The following BEGAIN variants were observed in gnomAD, a reference collection of about 807,000 sequenced individuals.
BEGAIN encodes brain enriched guanylate kinase associated, also known as brain-enriched guanylate kinase-associated protein.
BEGAIN carries 19 observed loss-of-function variants against 35.8 expected under a neutral mutation model. That is an observed-to-expected ratio of 0.53 (90% CI 0.37 to 0.78). The LOEUF (loss-of-function observed/expected upper bound fraction) is 0.78, where lower values mean the gene tolerates loss of function less well. Ranked by LOEUF, BEGAIN falls within the 30% of genes least tolerant of loss-of-function variation. The pLI is 0.00. For missense variants in BEGAIN, 795 were observed against 853.6 expected (o/e 0.93, Z 0.85); for synonymous variants, 462 against 388.6 (o/e 1.19, Z -2.22).
intron 2 of BEGAIN, among the ~76,000 whole-genome samples, chr14:100,561,716 G>GA (rs72116488): frequency 0.22 from 31,678 of 146,082 alleles, 4,037 homozygotes; most frequent in East Asian, 0.53. Context: ...CAAGACTGTC[G>GA]AAAAAAAAAA....
At chr14:100,570,316 C>T (rs564928934) in intron 1 of BEGAIN, among the ~76,000 whole-genome samples, 4 of 152,228 alleles carry the variant, frequency 2.6e-5, no homozygotes, top group Admixed American at 6.5e-5. Context: ...CTGAGCTGCC[C>T]TGGTGGAGCA....
chr14:100,549,367 C>G (rs2032940646), intron 2 of BEGAIN: 1 of 152,794 alleles, frequency 6.5e-6, no homozygotes, highest in Admixed American at 6.5e-5. Flanking sequence ...CCACACCCAA[C>G]CCGTCCAATG....
chr14:100,560,524 C>G (rs2034149672), intron 2 of BEGAIN, among the ~76,000 whole-genome samples: 1 of 152,112 alleles, frequency 6.6e-6, no homozygotes, highest in African/African-American at 2.4e-5. Context: ...GGTGTGTGGC[C>G]AGGGCAGCCT....
intron 1 of BEGAIN, among the ~76,000 whole-genome samples, chr14:100,583,193 C>T (rs1053390015): frequency 1.3e-5 from 2 of 151,898 alleles, no homozygotes; most frequent in African/African-American, 2.4e-5. Context: ...ACTTGTGTCT[C>T]GTATCCATGC....
chr14:100,554,411 C>T (rs1332544517), intron 2 of BEGAIN, among the ~76,000 whole-genome samples: 3 of 152,192 alleles, frequency 2.0e-5, no homozygotes, highest in Non-Finnish European at 4.4e-5. Context: ...GGCTCTCAGC[C>T]TGGCCCCACA....
chr14:100,570,988 G>A (rs1422680815), intron 1 of BEGAIN, among the ~76,000 whole-genome samples: 1 of 152,138 alleles, frequency 6.6e-6, no homozygotes, highest in Non-Finnish European at 1.5e-5. Context: ...TCTGTGGGGT[G>A]CCCCAGGGTT....
In BEGAIN at chr14:100,538,126, C is replaced by T; in HGVS notation, c.1682G>A (p.Arg561Lys). 1 of 1,551,620 alleles carries T rather than the reference C, an allele frequency of 6.4e-7. No homozygotes were observed. The highest frequency in any genetic ancestry group is 8.7e-7 in the Non-Finnish European group (1 of 1,151,730). The stretch of plus-strand genomic sequence containing the variant: ...CATGGAGCTCGGCTCCAAGGAGTCC[C>T]TGGAACCCTGCTCGGGCTCAGGGCT... Reference protein sequence around the residue: ...ASSPEPEQGSRDSLEPSSMEA... With the variant: ...ASSPEPEQGSKDSLEPSSMEA... The change falls in exon 7 of 7, where the codon AGG (arginine) becomes AAG (lysine). Residue 561 changes from arginine (R) to lysine (K), a missense_variant. Arg to Lys is a conservative substitution (Grantham distance 26). Coordinates refer to ENST00000554140, the MANE Select transcript of BEGAIN (RefSeq NM_001385089.1).
intron 1 of BEGAIN, among the ~76,000 whole-genome samples, chr14:100,579,120 C>T (rs2035265460): frequency 6.6e-6 from 1 of 152,210 alleles, no homozygotes. Flanking sequence ...CTTGGCCTCC[C>T]AAAGTGCTGG....
chr14:100,567,912 T>C lies in BEGAIN; in HGVS notation c.70A>G (p.Ser24Gly). Residue 24 changes from serine to glycine, a missense_variant and splice_region_variant, in exon 2 of 7, where the codon AGC becomes GGC. Around this residue, in one of 3 missense-constraint regions of BEGAIN, gnomAD observed 58 missense variants for 62.7 expected, o/e 0.92. Coordinates refer to ENST00000554140, the MANE Select transcript of BEGAIN (RefSeq NM_001385089.1). This position sits in a 1 kb window ranked among gnomAD's most constrained non-coding sequence, Gnocchi z 5.1. ...AASAADMEKL[S>G]ALQEQKGELR... is the part of the protein sequence containing the mutation. ...CGGCACGGGAGACGCTCCACTCACC[T>C]GAGTTTCTCCATGTCTGCGGCAGAG... 2 of 1,451,066 alleles carry C rather than the reference T, an allele frequency of 1.4e-6. No individual in the cohort carries two copies. The highest frequency in any genetic ancestry group is 9.2e-7 in the Non-Finnish European group (1 of 1,090,416). The allele number at this position is 1,451,066 out of a possible 1,614,324, so 89.9% of individuals were successfully genotyped here.
intron 1 of BEGAIN, among the ~76,000 whole-genome samples, chr14:100,585,881 G>A (rs1464486112): frequency 2.6e-5 from 4 of 152,262 alleles, no homozygotes; most frequent in African/African-American, 4.8e-5. Flanking sequence ...TGGCGGCAGC[G>A]CAGCCGCCCA....
intron 2 of BEGAIN, chr14:100,547,386 C>T (rs996384859): frequency 1.3e-5 from 2 of 152,230 alleles, no homozygotes; most frequent in Admixed American, 6.5e-5. Context: ...ATTTTCTTCC[C>T]CCAGAATGGG....
Position 100,540,511 on chromosome 14 carries a change from G to A in BEGAIN, c.477C>T (p.Val159=), listed in dbSNP as rs1291350252. Residue 159 remains valine (V), a synonymous_variant, in exon 6 of 7, where the codon GTC becomes GTT. Coordinates refer to ENST00000554140, the MANE Select transcript of BEGAIN (RefSeq NM_001385089.1). ...GCCACGTTACCTCAGACACCTTGTG[G>A]ACCCTGCCGTAGGTCTGGCTGCACT... ...LLQCSQTYGR[V]HKVSELPSDF... 1 of 1,602,072 alleles carries A rather than the reference G, an allele frequency of 6.2e-7. No individual in the cohort carries two copies. Among genetic ancestry groups the A allele is most frequent in the Non-Finnish European group, 8.5e-7 (1 of 1,174,786 alleles).
Position 100,573,994 on chromosome 14 carries a change from G to C in BEGAIN, c.43-6055C>G, listed in dbSNP as rs1293038721. ...GCATTAAGGGTGGAGGTGGTCCTTC[G>C]GGGGCTGTCTCAAGGAGGAGAGCGG... On this transcript the variant is annotated intron_variant, in intron 1 of 6. Transcript: ENST00000554140. This position sits in a 1 kb window ranked among gnomAD's most constrained non-coding sequence, Gnocchi z 4.2. Among the ~76,000 whole-genome samples the C allele has an allele frequency of 6.6e-6, 1 of 152,078 alleles. No homozygotes were observed. The highest frequency in any genetic ancestry group is 1.5e-5 in the Non-Finnish European group (1 of 68,004).
At chr14:100,585,633 G>C (rs1423128361) in intron 1 of BEGAIN, among the ~76,000 whole-genome samples, 1 of 151,782 alleles carries the variant, frequency 6.6e-6, no homozygotes, top group Non-Finnish European at 1.5e-5. Context: ...TCTTGGGAGA[G>C]TGGATGGAAG....
intron 1 of BEGAIN, among the ~76,000 whole-genome samples, chr14:100,575,646 G>T (rs2035185839): frequency 6.6e-6 from 1 of 152,170 alleles, no homozygotes; most frequent in Non-Finnish European, 1.5e-5. Flanking sequence ...GGCTGGTGGG[G>T]GAAGGTGGGG....
intron 2 of BEGAIN, among the ~76,000 whole-genome samples, chr14:100,566,363 C>T (rs1426377500): frequency 2.0e-5 from 3 of 152,226 alleles, no homozygotes; most frequent in African/African-American, 7.2e-5. Context: ...GTGCCTGGCA[C>T]ACAGGAATAG....
At chr14:100,572,569 T>C (rs941308129) in intron 1 of BEGAIN, among the ~76,000 whole-genome samples, 4 of 152,184 alleles carry the variant, frequency 2.6e-5, no homozygotes, top group Non-Finnish European at 5.9e-5. Flanking sequence ...TGAATCTTGT[T>C]GCCCTTACCC....
In BEGAIN at chr14:100,567,776, G is replaced by C. The variant is rs2034829783; in HGVS notation, c.71+135C>G. The C allele has an allele frequency of 2.3e-6, 2 of 853,422 alleles. No homozygotes were observed. Among genetic ancestry groups the C allele is most frequent in the Non-Finnish European group, 3.2e-6 (2 of 627,050 alleles). The allele number at this position is 853,422 out of a possible 1,614,324, so 52.9% of individuals were successfully genotyped here. On this transcript the variant is annotated intron_variant, in intron 2 of 6. Coordinates refer to ENST00000554140, the MANE Select transcript of BEGAIN (RefSeq NM_001385089.1). This position sits in a 1 kb window ranked among gnomAD's most constrained non-coding sequence, Gnocchi z 5.1. ...CACACGCACCACACACACGCACCTG[G>C]CCCGCAGCCCCGCCGAGGCCGCCCG... is the stretch of plus-strand genomic sequence containing the variant.
intron 5 of BEGAIN, among the ~76,000 whole-genome samples, chr14:100,540,786 C>T (rs112897709): frequency 0.032 from 4,912 of 152,296 alleles, 251 homozygotes; most frequent in African/African-American, 0.11. Context: ...CTGGGGCTGC[C>T]GGAGCATGGA....
Sources: gnomAD v4.1 joint callset for allele counts (sites outside exome capture counted in the v4.1 genomes callset) on GRCh38, gnomAD v4.1.1 for gene constraint, gnomAD v4.1.1 regional missense constraint, Gnocchi (gnomAD v3.1) non-coding constraint, MANE v1.5 for transcripts, NCBI Gene and HGNC (gene_info 2026-07-23, HGNC 2026-07-21) for gene names.